VPS13A: variants seen among roughly 807,000 people sequenced by gnomAD.
VPS13A encodes the protein intermembrane lipid transfer protein VPS13A.
Under a neutral mutation model 390.9 loss-of-function variants are expected in VPS13A, and 264 were observed. That is an observed-to-expected ratio of 0.68 (90% CI 0.61 to 0.75). The LOEUF is 0.75. VPS13A is among the 30% of genes least tolerant of loss of function. VPS13A has a pLI of 0.00. For missense variants in VPS13A, 3,409 were observed against 3,733.9 expected (o/e 0.91, Z 2.27); for synonymous variants, 1,231 against 1,227.1 (o/e 1.00, Z -0.07).
rs753770438 is a variant in VPS13A at position 77,213,245 on chromosome 9, G to A, written c.627G>A (p.Leu209=). 5.0e-6 allele frequency: 8 copies of A among 1,613,348 alleles called. No homozygotes were observed. The highest frequency in any genetic ancestry group is 6.8e-6 in the Non-Finnish European group (8 of 1,179,684). Residue 209 remains leucine (L), a synonymous_variant, in exon 9 of 72, where the codon TTG becomes TTA. Transcript: ENST00000360280. ...TEKLVRKLIR[L]DNLFAYWNVK... is the part of the protein sequence containing the mutation. ...AATTTTATTTTCAGTTAATCCGATT[G>A]GATAACCTGTTTGCCTATTGGAATG... is the stretch of plus-strand genomic sequence containing the variant.
intron 38 of VPS13A, among the ~76,000 whole-genome samples, chr9:77,315,773 A>G (rs1829347881): frequency 6.6e-6 from 1 of 152,142 alleles, no homozygotes; most frequent in South Asian, 2.1e-4. Context: ...AGAGCAAATA[A>G]TGAACCAACC....
In VPS13A at chr9:77,341,691, CTTTTTTTTTTTTTTT is replaced by C. The variant is rs57841628; in HGVS notation, c.7026+1156_7026+1170del. Among the ~76,000 whole-genome samples, 51 of 37,840 alleles carry C rather than the reference CTTTTTTTTTTTTTTT, an allele frequency of 1.3e-3. 1 individual carries two copies. Among genetic ancestry groups the C allele is most frequent in the Admixed American group, 9.3e-3 (21 of 2,266 alleles). 24.8% of individuals were successfully genotyped at this position (37,840 alleles called of 152,430 possible). A position where few individuals can be genotyped will look rare whatever the true frequency, so the allele number is the denominator to read the frequency against. ...AGTAAGTTCTACATGGACATCTTTC[CTTTTTTTTTTTTTTT>C]TTTTTTTTTTTTTTGCTTTTGCTGT... On this transcript the variant is annotated intron_variant, in intron 50 of 71. Coordinates refer to ENST00000360280, the MANE Select transcript of VPS13A (RefSeq NM_033305.3).
At chr9:77,384,558 TTC>T in intron 68 of VPS13A, 1 of 1,611,234 alleles carries the variant, frequency 6.2e-7, no homozygotes, top group Non-Finnish European at 8.5e-7. Context: ...ACCTTTGTGC[TTC>T]TTTTTTCCTT....
intron 68 of VPS13A, among the ~76,000 whole-genome samples, chr9:77,383,713 CT>C (rs1392204969): frequency 6.6e-6 from 1 of 151,930 alleles, no homozygotes; most frequent in Non-Finnish European, 1.5e-5. Flanking sequence ...AAAAACATGA[CT>C]TTTGACTGTG....
At chr9:77,187,306 A>G (rs781354160) in intron 1 of VPS13A, among the ~76,000 whole-genome samples, 8 of 152,222 alleles carry the variant, frequency 5.3e-5, no homozygotes, top group Non-Finnish European at 8.8e-5. Context: ...AGGAATTATC[A>G]TACTACTTTC....
At chr9:77,326,383 A>G (rs1464511882) in intron 45 of VPS13A, among the ~76,000 whole-genome samples, 1 of 151,954 alleles carries the variant, frequency 6.6e-6, no homozygotes, top group African/African-American at 2.4e-5. Context: ...TACCAGTTAG[A>G]TATACGTTAG....
intron 59 of VPS13A, 121 bp from the exon 60 acceptor site, chr9:77,365,339 A>G: frequency 2.9e-6 from 2 of 687,538 alleles, no homozygotes; most frequent in Non-Finnish European, 5.2e-6. Context: ...CTTCTGAGGC[A>G]ATCATAAGCA....
In VPS13A at chr9:77,365,570, C is replaced by T; in HGVS notation, c.8322C>T (p.Ile2774=). 6.3e-7 allele frequency: 1 copy of T among 1,593,622 alleles called. No homozygotes were observed. The highest frequency in any genetic ancestry group is 2.2e-5 in the East Asian group (1 of 44,580). ...SLYEYFHISP[I]KLHLSVSLSS... ...ATGAATATTTTCATATATCTCCTAT[C>T]AAGGTAGGAGAAAGTCATTTTTATT... The change falls in exon 60 of 72, where the codon ATC becomes ATT. Residue 2774 remains isoleucine (I), a synonymous_variant. Coordinates refer to ENST00000360280, the MANE Select transcript of VPS13A (RefSeq NM_033305.3).
chr9:77,223,056 G>A (rs1823313666), intron 13 of VPS13A, among the ~76,000 whole-genome samples: 4 of 152,074 alleles, frequency 2.6e-5, no homozygotes, highest in Admixed American at 6.6e-5. Flanking sequence ...ATCTTCCACC[G>A]TGTGGCTACA....
intron 1 of VPS13A, among the ~76,000 whole-genome samples, chr9:77,185,736 T>C (rs1382620307): frequency 6.6e-6 from 1 of 152,184 alleles, no homozygotes; most frequent in African/African-American, 2.4e-5. Context: ...TTTTTTCTCC[T>C]GTCTTAGCAT....
rs1238342417 is a variant in VPS13A at position 77,416,017 on chromosome 9, T to C, written c.*11T>C. The stretch of plus-strand genomic sequence containing the variant: ...TCTCCGAGCCTCTGACAGAGAACAC[T>C]GCCTGAAGACACACAGCAATAAGTG... On this transcript the variant is annotated 3_prime_UTR_variant, in exon 72 of 72. Transcript: ENST00000360280. 6.2e-7 allele frequency: 1 copy of C among 1,613,296 alleles called. No homozygotes were observed. Among genetic ancestry groups the C allele is most frequent in the South Asian group, 1.1e-5 (1 of 91,078 alleles).
At chr9:77,389,097 T>G (rs1253106551) in intron 68 of VPS13A, among the ~76,000 whole-genome samples, 1 of 152,174 alleles carries the variant, frequency 6.6e-6, no homozygotes, top group South Asian at 2.1e-4. Flanking sequence ...AATTATCCTG[T>G]CTCCCCACCA....
chr9:77,212,878 A>G (rs1005003361), intron 7 of VPS13A, 91 bp from the exon 8 acceptor site: 10 of 1,336,298 alleles, frequency 7.5e-6, no homozygotes, highest in Admixed American at 5.2e-5. Flanking sequence ...TGAAAGGGAC[A>G]TTGGTCTAGG....
At chr9:77,384,671 T>A in intron 68 of VPS13A, 1 of 1,602,730 alleles carries the variant, frequency 6.2e-7, no homozygotes. Flanking sequence ...ATGAGTCAGA[T>A]CTAAACCATT....
At position 77,419,705 on chromosome 9, in the gene VPS13A, C is replaced by A. The variant is rs1835286735; in HGVS notation, c.*3699C>A. On this transcript the variant is annotated 3_prime_UTR_variant, in exon 72 of 72. Transcript: ENST00000360280. ...CACAGCACCCAAAAAAGGCCATAGTCTTTTGTTTACCTAGATGTATTTTAA... is the reference window on the plus strand; with the variant it reads ...CACAGCACCCAAAAAAGGCCATAGTATTTTGTTTACCTAGATGTATTTTAA... The A allele has an allele frequency of 6.6e-6, 1 of 152,204 alleles. No individual in the cohort carries two copies. The highest frequency in any genetic ancestry group is 2.4e-5 in the African/African-American group (1 of 41,462). The allele number at this position is 152,204 out of a possible 1,614,324, so 9.4% of individuals were successfully genotyped here. A position where few individuals can be genotyped will look rare whatever the true frequency, so the allele number is the denominator to read the frequency against.
At chr9:77,350,984 A>G in intron 52 of VPS13A, 1 of 276,244 alleles carries the variant, frequency 3.6e-6, no homozygotes, top group South Asian at 3.8e-5. Context: ...AGAGTTACCA[A>G]TTAAATTATC....
intron 68 of VPS13A, among the ~76,000 whole-genome samples, chr9:77,386,097 A>G (rs1833671043): frequency 6.6e-6 from 1 of 152,196 alleles, no homozygotes; most frequent in Non-Finnish European, 1.5e-5. Flanking sequence ...TATTGTTTTA[A>G]TCACAGTATT....
At chr9:77,247,455 T>C in intron 20 of VPS13A, 60 bp downstream of exon 20, 1 of 1,505,152 alleles carries the variant, frequency 6.6e-7, no homozygotes, top group Non-Finnish European at 9.0e-7. Context: ...TTGTTTTAAA[T>C]GTATTTTGTT....
intron 3 of VPS13A, among the ~76,000 whole-genome samples, 169 bp downstream of exon 3, chr9:77,201,576 G>A (rs1356334754): frequency 6.6e-6 from 1 of 152,034 alleles, no homozygotes; most frequent in South Asian, 2.1e-4. Context: ...AATATTGTCC[G>A]ATACATATAT....
Sources: gnomAD v4.1 joint callset for allele counts (sites outside exome capture counted in the v4.1 genomes callset) on GRCh38, gnomAD v4.1.1 for gene constraint, MANE v1.5 for transcripts, NCBI Gene and HGNC (gene_info 2026-07-23, HGNC 2026-07-21) for gene names.